NEK9: variants seen among roughly 807,000 people sequenced by gnomAD.
The protein encoded by NEK9 is serine/threonine-protein kinase Nek9.
In NEK9, 75 loss-of-function variants were observed where a neutral mutation model predicts 123.4. The ratio of observed to expected loss-of-function variants is 0.61; its 90% confidence interval spans 0.50 to 0.74. The LOEUF is 0.74. Ranked by LOEUF, NEK9 falls within the 30% of genes least tolerant of loss-of-function variation. The pLI, the probability that NEK9 is intolerant of heterozygous loss-of-function variation, is 0.00. For missense variants in NEK9, 952 were observed against 1,214.4 expected, an observed-to-expected ratio of 0.78 and a Z score of 3.21; for synonymous variants, 438 against 458.7, an observed-to-expected ratio of 0.95 and a Z score of 0.58.
chr14:75,126,863 C>A lies in NEK9; in HGVS notation c.59G>T (p.Ser20Ile). 6.5e-7 allele frequency: 1 copy of A among 1,529,044 alleles called. No individual in the cohort carries two copies. The highest frequency in any genetic ancestry group is 1.2e-5 in the South Asian group (1 of 81,690). The allele number at this position is 1,529,044 out of a possible 1,614,324, so 94.7% of individuals were successfully genotyped here. Residue 20 changes from serine to isoleucine, a missense_variant, in exon 1 of 22, where the codon AGC (serine) becomes ATC (isoleucine). Physicochemically the swap from Ser to Ile is moderately radical, Grantham distance 142. Around this residue, in one of 4 missense-constraint regions of NEK9, gnomAD observed 120 missense variants for 97.6 expected, o/e 1.23. Coordinates refer to ENST00000238616, the MANE Select transcript of NEK9 (RefSeq NM_033116.6). Reference sequence around the variant, plus strand: ...CGAGTCCCCGCAACCCCCGGACTCGCTCCCAAAGTCCGAGTTGATGGAATC... The same window carrying A: ...CGAGTCCCCGCAACCCCCGGACTCGATCCCAAAGTCCGAGTTGATGGAATC... ...HCDSINSDFG[S>I]ESGGCGDSSP...
Position 75,101,118 on chromosome 14 carries a change from A to G in NEK9, c.1876T>C (p.Cys626Arg), listed in dbSNP as rs564708169. Residue 626 changes from cysteine (C) to arginine (R), a missense_variant, in exon 16 of 22, where the codon TGT (cysteine) becomes CGT (arginine). Coordinates refer to ENST00000238616, the MANE Select transcript of NEK9 (RefSeq NM_033116.6). The stretch of plus-strand genomic sequence containing the variant: ...TAGTTCCCAACGCCCAGCTGCCCAC[A>G]CTTGTTGCAGCCAAAGGTCAGCAGC... Reference protein sequence around the residue: ...GRLLTFGCNKCGQLGVGNYKK... With the variant: ...GRLLTFGCNKRGQLGVGNYKK... 1.9e-6 allele frequency: 3 copies of G among 1,614,232 alleles called. No individual in the cohort carries two copies. In the African/African-American group the frequency reaches 4.0e-5, roughly 22 times the overall value.
At chr14:75,120,631 G>A in intron 3 of NEK9, 51 bp from the exon 4 acceptor site, 1 of 1,363,108 alleles carries the variant, frequency 7.3e-7, no homozygotes, top group Non-Finnish European at 1.0e-6. Flanking sequence ...CTCCATTTAA[G>A]TAAATACACA....
intron 13 of NEK9, among the ~76,000 whole-genome samples, chr14:75,104,242 G>A (rs1223556149): frequency 2.0e-5 from 3 of 150,764 alleles, no homozygotes; most frequent in Non-Finnish European, 4.4e-5. Context: ...TTAGCTCACC[G>A]CAATCTCTGC....
rs768008348 is a variant in NEK9 at position 75,091,382 on chromosome 14, C to G, written c.2330G>C (p.Gly777Ala). The change falls in exon 19 of 22, where the codon GGC becomes GCC. Residue 777 changes from glycine to alanine, a missense_variant. Transcript: ENST00000238616. ...GTCTGCTTCCATTGTTCCTCGGAAG[C>G]CTCCACTTGGGTCAGGAGTTTCAGA... is the stretch of plus-strand genomic sequence containing the variant. The part of the protein sequence containing the change: ...QESETPDPSG[G>A]FRGTMEADRG... 1.9e-6 allele frequency: 3 copies of G among 1,613,984 alleles called. No homozygotes were observed. The highest frequency in any genetic ancestry group is 2.5e-6 in the Non-Finnish European group (3 of 1,179,998).
chr14:75,123,879 G>A (rs953702383), intron 2 of NEK9, among the ~76,000 whole-genome samples, 167 bp downstream of exon 2: 2 of 152,058 alleles, frequency 1.3e-5, no homozygotes, highest in African/African-American at 2.4e-5. Flanking sequence ...TCCTTATTTC[G>A]TACACCACTT....
chr14:75,094,671 T>C (rs1238415842), intron 18 of NEK9, among the ~76,000 whole-genome samples: 2 of 151,962 alleles, frequency 1.3e-5, no homozygotes, highest in Non-Finnish European at 2.9e-5. Flanking sequence ...TCCCAGCTAC[T>C]TGGGAGGCTG....
In NEK9 at chr14:75,109,897, C is replaced by A; in HGVS notation, c.990-20G>T. On this transcript the variant is annotated intron_variant, in intron 9 of 21. Coordinates refer to ENST00000238616, the MANE Select transcript of NEK9 (RefSeq NM_033116.6). The stretch of plus-strand genomic sequence containing the variant: ...CTTGACCTGCCAACAACCCCCAGAA[C>A]AAAGGAACATTTAACATTAAAAACA... 6.3e-7 allele frequency: 1 copy of A among 1,580,262 alleles called. No homozygotes were observed. The highest frequency in any genetic ancestry group is 1.1e-5 in the South Asian group (1 of 87,110).
At chr14:75,113,287 TAA>T in intron 8 of NEK9, 50 bp downstream of exon 8, 1 of 1,423,412 alleles carries the variant, frequency 7.0e-7, no homozygotes, top group Non-Finnish European at 9.9e-7. Context: ...ATCAAGCCTC[TAA>T]AAGTCAACTA....
chr14:75,097,833 G>C (rs761218079), intron 16 of NEK9, among the ~76,000 whole-genome samples: 1 of 152,162 alleles, frequency 6.6e-6, no homozygotes, highest in Non-Finnish European at 1.5e-5. Context: ...TCCAGGCAGA[G>C]AGAAGAGCAA....
chr14:75,125,057 A>G (rs1689619715), intron 1 of NEK9, among the ~76,000 whole-genome samples: 1 of 151,598 alleles, frequency 6.6e-6, no homozygotes, highest in Non-Finnish European at 1.5e-5. Context: ...TATAGGCATG[A>G]GCCACTGTGC....
Position 75,103,947 on chromosome 14 carries a change from A to G in NEK9, c.1626T>C (p.Asp542=). The change falls in exon 14 of 22, where the codon GAT becomes GAC. Residue 542 remains aspartate, a synonymous_variant. Transcript: ENST00000238616. ...LIIVAVQCGC[D]GTFLLTQSGK... is the part of the protein sequence containing the mutation. Reference sequence around the variant, plus strand: ...CTGACTGGGTCAACAGAAATGTCCCATCACAGCCACATTGAACTGCAACAA... The same window carrying G: ...CTGACTGGGTCAACAGAAATGTCCCGTCACAGCCACATTGAACTGCAACAA... 1.2e-6 allele frequency: 2 copies of G among 1,614,204 alleles called. No homozygotes were observed. Among genetic ancestry groups the G allele is most frequent in the Non-Finnish European group, 1.7e-6 (2 of 1,180,024 alleles).
intron 14 of NEK9, among the ~76,000 whole-genome samples, chr14:75,103,193 T>TAA (rs565837587): frequency 8.8e-6 from 1 of 112,996 alleles, no homozygotes; most frequent in Non-Finnish European, 1.9e-5. Context: ...AAAAGTATAA[T>TAA]AAAAAAAAAA....
chr14:75,102,802 T>C (rs1894632023), intron 14 of NEK9, among the ~76,000 whole-genome samples: 2 of 152,192 alleles, frequency 1.3e-5, no homozygotes, highest in African/African-American at 4.8e-5. Flanking sequence ...CTCTTAATTT[T>C]ATTCTTTGGA....
chr14:75,088,362 ATAATGAGT>A, intron 20 of NEK9, 110 bp downstream of exon 20: 1 of 940,074 alleles, frequency 1.1e-6, no homozygotes, highest in Non-Finnish European at 1.6e-6. Flanking sequence ...AATAGACAGT[ATAATGAGT>A]TGATGCAGGG....
intron 4 of NEK9, 104 bp downstream of exon 4, chr14:75,120,406 C>T (rs962740711): frequency 3.4e-5 from 24 of 704,170 alleles, no homozygotes; most frequent in Non-Finnish European, 5.4e-5. Context: ...TGGAAAAACT[C>T]TTGGCTGCTT....
intron 6 of NEK9, among the ~76,000 whole-genome samples, chr14:75,115,784 CA>C (rs1315288902): frequency 6.6e-6 from 1 of 151,886 alleles, no homozygotes; most frequent in Non-Finnish European, 1.5e-5. Context: ...CCCCACCCCC[CA>C]AAAAAATCTG....
At chr14:75,109,244 A>G (rs1894881658) in intron 10 of NEK9, among the ~76,000 whole-genome samples, 1 of 152,172 alleles carries the variant, frequency 6.6e-6, no homozygotes, top group African/African-American at 2.4e-5. Flanking sequence ...TCTACACAAA[A>G]TATACCTAGC....
chr14:75,111,707 G>A (rs1028749893), intron 8 of NEK9, among the ~76,000 whole-genome samples: 24 of 152,160 alleles, frequency 1.6e-4, no homozygotes, highest in African/African-American at 5.3e-4. Context: ...CCTGGCCAAC[G>A]TAGTAAAACC....
At chr14:75,097,729 G>C (rs1454655263) in intron 16 of NEK9, among the ~76,000 whole-genome samples, 1 of 152,198 alleles carries the variant, frequency 6.6e-6, no homozygotes, top group Admixed American at 6.5e-5. Context: ...TGGAAACAAA[G>C]AGTAACAGTG....
Sources: allele counts gnomAD v4.1 joint callset (sites outside exome capture counted in the v4.1 genomes callset), GRCh38; gene constraint gnomAD v4.1.1; regional missense constraint gnomAD v4.1.1; transcripts MANE v1.5; gene names NCBI Gene and HGNC (gene_info 2026-07-23, HGNC 2026-07-21).